Variants in CNTN4 observed in about 807,000 individuals in gnomAD.
CNTN4 encodes the protein contactin 4.
CNTN4 carries 77 observed loss-of-function variants against 122.5 expected under a neutral mutation model. That is an observed-to-expected ratio of 0.63 (90% confidence interval 0.52 to 0.76). CNTN4 has a LOEUF of 0.76. Among genes scored for constraint, CNTN4 ranks in the 30% least tolerant of loss-of-function variants. The pLI is 0.00. For synonymous variants in CNTN4, 512 were observed against 447.0 expected (o/e 1.15, Z -1.83); for missense variants, 1,256 against 1,259.1 (o/e 1.00, Z 0.04).
chr3:3,034,432 C>T (rs527380798), intron 16 of CNTN4, among the ~76,000 whole-genome samples, 200 bp from the exon 17 acceptor site: 1 of 152,124 alleles, frequency 6.6e-6, no homozygotes, highest in Non-Finnish European at 1.5e-5. Context: ...AAGGAAGGGG[C>T]TGTGTTTCAT....
At chr3:2,394,784 GT>G (rs56027529) in intron 3 of CNTN4, among the ~76,000 whole-genome samples, 30,760 of 107,832 alleles carry the variant, frequency 0.29, 2,235 homozygotes, top group Middle Eastern at 0.36. Context: ...CCTTATATTA[GT>G]TTTTTTTTTT....
At chr3:3,008,972 T>G in intron 14 of CNTN4, 1 of 985,218 alleles carries the variant, frequency 1.0e-6, no homozygotes, top group Non-Finnish European at 1.2e-6. Context: ...GCTTCAAACT[T>G]CGTCATTACA....
At chr3:3,008,161 G>A (rs1696838107) in intron 14 of CNTN4, among the ~76,000 whole-genome samples, 1 of 151,582 alleles carries the variant, frequency 6.6e-6, no homozygotes, top group African/African-American at 2.4e-5. Context: ...TTCTTGGGAG[G>A]GATAATTTTA....
chr3:2,998,648 T>TA (rs903340578), intron 14 of CNTN4, among the ~76,000 whole-genome samples: 5 of 149,436 alleles, frequency 3.3e-5, no homozygotes, highest in East Asian at 2.0e-4. Flanking sequence ...TCTACCAGAT[T>TA]AAAAAAAAAA....
intron 3 of CNTN4, among the ~76,000 whole-genome samples, chr3:2,545,617 C>CTTTTTTTTTTTTTTTTTTT (rs545099083): frequency 7.1e-6 from 1 of 140,142 alleles, no homozygotes; most frequent in African/African-American, 2.6e-5. Flanking sequence ...TATGTAATGC[C>CTTTTTTTTTTTTTTTTTTT]TTTTTTTTTT....
intron 3 of CNTN4, among the ~76,000 whole-genome samples, chr3:2,548,450 G>A (rs1366340256): frequency 6.6e-6 from 1 of 152,102 alleles, no homozygotes; most frequent in Non-Finnish European, 1.5e-5. Flanking sequence ...CCCATTGGTT[G>A]TTTTTGTCAG....
At chr3:2,124,305 A>G (rs914315972) in intron 2 of CNTN4, among the ~76,000 whole-genome samples, 5 of 152,162 alleles carry the variant, frequency 3.3e-5, no homozygotes, top group Non-Finnish European at 2.9e-5. Flanking sequence ...CCATGCCACT[A>G]AGGTCAACTC....
chr3:3,038,828 G>A (rs1168289891), intron 18 of CNTN4, 105 bp from the exon 19 acceptor site: 1 of 834,102 alleles, frequency 1.2e-6, no homozygotes, highest in East Asian at 2.5e-5. Flanking sequence ...AAAGGGGCGT[G>A]CCTCAGAGTA....
At chr3:2,569,937 A>G (rs1369629076) in intron 3 of CNTN4, among the ~76,000 whole-genome samples, 1 of 151,868 alleles carries the variant, frequency 6.6e-6, no homozygotes, top group Non-Finnish European at 1.5e-5. Flanking sequence ...GGATAAAGAG[A>G]CTCTAGAGGA....
In CNTN4 at chr3:2,213,056, C is replaced by T. The variant is rs570904693; in HGVS notation, c.-145+112417C>T. The stretch of plus-strand genomic sequence containing the variant: ...ATCTTCTCAGAATGGGCATCAATCT[C>T]ATAAATGCTGTGGTTTGTTTGGTGT... On this transcript the variant is annotated intron_variant, in intron 2 of 24. Coordinates refer to ENST00000418658, the MANE Select transcript of CNTN4 (RefSeq NM_175607.3). Among the ~76,000 whole-genome samples, 37 of 152,222 alleles carry T rather than the reference C, an allele frequency of 2.4e-4. 1 individual carries two copies. In the South Asian group the frequency reaches 7.7e-3, roughly 32 times the overall value.
chr3:2,464,346 C>T (rs562052795), intron 3 of CNTN4, among the ~76,000 whole-genome samples: 1 of 152,270 alleles, frequency 6.6e-6, no homozygotes, highest in African/African-American at 2.4e-5. Context: ...CAGGAAGTGG[C>T]GCATTAGGAA....
At chr3:2,681,295 A>G (rs1385026041) in intron 4 of CNTN4, among the ~76,000 whole-genome samples, 1 of 152,218 alleles carries the variant, frequency 6.6e-6, no homozygotes, top group African/African-American at 2.4e-5. Context: ...TTTAGAGTAG[A>G]GATTAGCCTA....
rs116063767 is a variant in CNTN4 at position 2,686,082 on chromosome 3, C to T, written c.56-50133C>T. 4.7e-3 allele frequency among the ~76,000 whole-genome samples: 719 copies of T among 152,258 alleles called. 8 individuals carry two copies. Among genetic ancestry groups the T allele is most frequent in the African/African-American group, 0.016 (682 of 41,546 alleles). ...ATCCTGTACAGAAAACTAGCTCCCT[C>T]ACTGTTGGTAGGAGAAGAAGGATAT... On this transcript the variant is annotated intron_variant, in intron 4 of 24. Coordinates refer to ENST00000418658, the MANE Select transcript of CNTN4 (RefSeq NM_175607.3).
At chr3:2,351,943 C>G (rs915009885) in intron 3 of CNTN4, among the ~76,000 whole-genome samples, 2 of 152,016 alleles carry the variant, frequency 1.3e-5, no homozygotes, top group Admixed American at 1.3e-4. Flanking sequence ...GTATATTTAC[C>G]TAAGAGTAAA....
intron 13 of CNTN4, among the ~76,000 whole-genome samples, chr3:2,935,080 C>T (rs572480160): frequency 6.6e-6 from 1 of 151,802 alleles, no homozygotes; most frequent in Non-Finnish European, 1.5e-5. Context: ...AGGCCCAGTC[C>T]TCTGGGAGAC....
intron 2 of CNTN4, among the ~76,000 whole-genome samples, chr3:2,199,341 CTG>C (rs144327087): frequency 6.6e-6 from 1 of 151,196 alleles, no homozygotes; most frequent in African/African-American, 2.4e-5. Context: ...GTGTGTGTCT[CTG>C]TGTGTGTGTG....
intron 13 of CNTN4, among the ~76,000 whole-genome samples, chr3:2,934,568 A>G (rs1302124268): frequency 1.3e-5 from 2 of 152,230 alleles, no homozygotes; most frequent in African/African-American, 4.8e-5. Context: ...GGCCGATGGA[A>G]TCCTGGTGTG....
intron 3 of CNTN4, among the ~76,000 whole-genome samples, chr3:2,463,708 A>G (rs77397592): frequency 0.031 from 4,661 of 152,192 alleles, 268 homozygotes; most frequent in African/African-American, 0.11. Flanking sequence ...GCAGTGAGCC[A>G]AGATCGTGCG....
At chr3:2,442,752 T>A (rs1000685560) in intron 3 of CNTN4, among the ~76,000 whole-genome samples, 1 of 152,190 alleles carries the variant, frequency 6.6e-6, no homozygotes, top group Non-Finnish European at 1.5e-5. Flanking sequence ...TAGTACTATT[T>A]CTTTGACAGA....
Sources: gnomAD v4.1 joint callset for allele counts (sites outside exome capture counted in the v4.1 genomes callset) on GRCh38, gnomAD v4.1.1 for gene constraint, MANE v1.5 for transcripts, NCBI Gene and HGNC (gene_info 2026-07-23, HGNC 2026-07-21) for gene names.